Variants in DNM3 observed in about 807,000 individuals in gnomAD.
DNM3 encodes dynamin 3.
A neutral mutation model predicts 101.6 loss-of-function variants in DNM3; 47 were observed. The observed-to-expected ratio is 0.46, with a 90% CI of 0.37 to 0.59. The LOEUF is 0.59. DNM3 is among the 20% of genes least tolerant of loss of function. The pLI is 0.00. For missense variants in DNM3, 849 were observed against 1,085.7 expected, an observed-to-expected ratio of 0.78 and a Z score of 3.06; for synonymous variants, 385 against 387.9, an observed-to-expected ratio of 0.99 and a Z score of 0.09.
chr1:172,066,181 G>C (rs962138882), intron 10 of DNM3, among the ~76,000 whole-genome samples: 1 of 151,964 alleles, frequency 6.6e-6, no homozygotes, highest in Non-Finnish European at 1.5e-5. Context: ...AATGTCAAGG[G>C]TGTATGGTGG....
intron 2 of DNM3, among the ~76,000 whole-genome samples, chr1:171,925,992 G>A (rs766209775): frequency 2.0e-5 from 3 of 152,116 alleles, no homozygotes; most frequent in Non-Finnish European, 4.4e-5. Flanking sequence ...TGTTGACTTT[G>A]TGGAAGACGT....
chr1:172,146,838 CA>C (rs1007851952), intron 14 of DNM3, among the ~76,000 whole-genome samples: 2 of 152,034 alleles, frequency 1.3e-5, no homozygotes, highest in African/African-American at 4.8e-5. Flanking sequence ...TCAAGGCAAA[CA>C]AAAGGTGGTT....
intron 11 of DNM3, among the ~76,000 whole-genome samples, chr1:172,069,672 C>G (rs562145580): frequency 1.3e-5 from 2 of 152,320 alleles, no homozygotes; most frequent in Admixed American, 1.3e-4. Flanking sequence ...TTCCATGACA[C>G]AGCTGCACGT....
chr1:172,001,352 C>A (rs965627549), intron 4 of DNM3, among the ~76,000 whole-genome samples: 2 of 151,980 alleles, frequency 1.3e-5, no homozygotes, highest in South Asian at 2.1e-4. Flanking sequence ...TATTGCTATA[C>A]CCTGGCTGAA....
chr1:171,930,772 T>C (rs2040941775), intron 2 of DNM3, among the ~76,000 whole-genome samples: 1 of 152,186 alleles, frequency 6.6e-6, no homozygotes, highest in Admixed American at 6.5e-5. Flanking sequence ...GATGTTTCAG[T>C]TGAGCGTGCT....
chr1:171,892,431 T>C (rs1271676815), intron 1 of DNM3, among the ~76,000 whole-genome samples: 1 of 152,206 alleles, frequency 6.6e-6, no homozygotes, highest in Non-Finnish European at 1.5e-5. Context: ...CCAACCTGTG[T>C]ATATACACAT....
chr1:172,182,366 G>A (rs2059381192), intron 14 of DNM3, among the ~76,000 whole-genome samples: 1 of 151,888 alleles, frequency 6.6e-6, no homozygotes, highest in Non-Finnish European at 1.5e-5. Context: ...TAGAGGACAG[G>A]GTGCTCTGAA....
chr1:172,097,873 T>C (rs2147856538), intron 13 of DNM3, among the ~76,000 whole-genome samples: 1 of 152,278 alleles, frequency 6.6e-6, no homozygotes, highest in Non-Finnish European at 1.5e-5. Flanking sequence ...GTTGGCAGGT[T>C]CTGTGATGCC....
At chr1:171,900,265 A>C (rs2038189777) in intron 1 of DNM3, among the ~76,000 whole-genome samples, 1 of 152,172 alleles carries the variant, frequency 6.6e-6, no homozygotes, top group Non-Finnish European at 1.5e-5. Context: ...TGATATATCG[A>C]TATAACAAGT....
In DNM3 at chr1:172,064,424, G is replaced by A. The variant is rs142578267; in HGVS notation, c.1336-4395G>A. Among the ~76,000 whole-genome samples the A allele has an allele frequency of 2.1e-3, 316 of 152,240 alleles. 2 individuals are homozygous for A. Among genetic ancestry groups the A allele is most frequent in the Middle Eastern group, 0.017 (5 of 294 alleles). Reference sequence around the variant, plus strand: ...TAAATAAGAGACATAGAAGAGAGGTGAGGGATTGAATTGAGCAATCAAAGT... The same window carrying A: ...TAAATAAGAGACATAGAAGAGAGGTAAGGGATTGAATTGAGCAATCAAAGT... On this transcript the variant is annotated intron_variant, in intron 10 of 20. Transcript: ENST00000627582.
intron 17 of DNM3, among the ~76,000 whole-genome samples, chr1:172,327,264 G>A (rs1242584826): frequency 6.6e-6 from 1 of 152,126 alleles, no homozygotes; most frequent in Non-Finnish European, 1.5e-5. Context: ...GGGAAAAGTG[G>A]TTATCACTGG....
At chr1:172,202,744 T>C (rs1259366820) in intron 14 of DNM3, among the ~76,000 whole-genome samples, 2 of 152,144 alleles carry the variant, frequency 1.3e-5, no homozygotes, top group Non-Finnish European at 2.9e-5. Flanking sequence ...GACTATTATT[T>C]ATATTATAGA....
At chr1:172,370,935 C>T (rs1254614968) in intron 17 of DNM3, among the ~76,000 whole-genome samples, 2 of 151,938 alleles carry the variant, frequency 1.3e-5, no homozygotes, top group African/African-American at 4.8e-5. Context: ...TTTTGACCAG[C>T]AAATCTATAT....
rs973575911 is a variant in DNM3 at position 172,411,867 on chromosome 1, G to A, written c.*4026G>A. 7.1e-6 allele frequency: 7 copies of A among 985,648 alleles called. No individual in the cohort carries two copies. Among genetic ancestry groups the A allele is most frequent in the Admixed American group, 6.1e-5 (1 of 16,270 alleles). 61.1% of individuals were successfully genotyped at this position (985,648 alleles called of 1,614,324 possible). A position where few individuals can be genotyped will look rare whatever the true frequency, so the allele number is the denominator to read the frequency against. The stretch of plus-strand genomic sequence containing the variant: ...AATGTAAATGAATCTAGATGATTTT[G>A]AAGAAATGATTATTCGTTCACCAGA... On this transcript the variant is annotated 3_prime_UTR_variant, in exon 21 of 21. Transcript: ENST00000627582.
downstream of DNM3, among the ~76,000 whole-genome samples, chr1:172,414,121 G>A (rs2071343899): frequency 6.6e-6 from 1 of 152,160 alleles, no homozygotes; most frequent in Admixed American, 6.5e-5. Context: ...TTTTTCTGAT[G>A]GGACCTTTAA....
chr1:172,398,524 A>G (rs995846811), intron 20 of DNM3, among the ~76,000 whole-genome samples: 5 of 152,204 alleles, frequency 3.3e-5, no homozygotes, highest in Non-Finnish European at 5.9e-5. Flanking sequence ...CTTCTAGAAT[A>G]ATGGTAAGGT....
intron 2 of DNM3, 61 bp from the exon 3 acceptor site, chr1:171,987,593 CTT>C (rs1295639233): frequency 3.8e-5 from 56 of 1,460,334 alleles, no homozygotes; most frequent in Middle Eastern, 1.8e-4. Context: ...ATTAAAGAAA[CTT>C]TTATAATTAT....
intron 14 of DNM3, among the ~76,000 whole-genome samples, chr1:172,203,659 A>C (rs2060228225): frequency 6.6e-6 from 1 of 152,004 alleles, no homozygotes; most frequent in Non-Finnish European, 1.5e-5. Context: ...GCTTTTGTAT[A>C]ATAGGGTGTG....
At chr1:172,350,139 A>T (rs1447218502) in intron 17 of DNM3, among the ~76,000 whole-genome samples, 1 of 152,148 alleles carries the variant, frequency 6.6e-6, no homozygotes, top group Admixed American at 6.5e-5. Context: ...ATATACATAT[A>T]TATCCTTTTA....
Sources: gnomAD v4.1 joint callset for allele counts (sites outside exome capture counted in the v4.1 genomes callset) on GRCh38, gnomAD v4.1.1 for gene constraint, MANE v1.5 for transcripts, NCBI Gene and HGNC (gene_info 2026-07-23, HGNC 2026-07-21) for gene names.